Variants in IFT74 observed in about 807,000 individuals in gnomAD.
IFT74 encodes the protein intraflagellar transport 74, also known as intraflagellar transport protein 74 homolog.
In IFT74, 92 loss-of-function variants were observed where a neutral mutation model predicts 96.7. The ratio of observed to expected loss-of-function variants is 0.95; its 90% CI spans 0.80 to 1.13. The LOEUF (loss-of-function observed/expected upper bound fraction) is 1.13, where lower values mean the gene tolerates loss of function less well. Among genes scored for constraint, IFT74 ranks in the 50% most tolerant of loss-of-function variants. IFT74 has a pLI of 0.00. For synonymous variants in IFT74, 223 were observed against 213.2 expected, an observed-to-expected ratio of 1.05 and a Z score of -0.40; for missense variants, 811 against 698.2, an observed-to-expected ratio of 1.16 and a Z score of -1.82.
intron 1 of IFT74, among the ~76,000 whole-genome samples, chr9:26,958,991 A>G (rs541095881): frequency 6.6e-6 from 1 of 152,376 alleles, no homozygotes; most frequent in South Asian, 2.1e-4. Flanking sequence ...CATTTACAGC[A>G]CTGGCAATAT....
chr9:26,947,151 G>A (rs953463753), intron 1 of IFT74: 8 of 1,318,518 alleles, frequency 6.1e-6, no homozygotes, highest in Non-Finnish European at 7.9e-6. Context: ...CTGCAGGTAA[G>A]GGGCGGCCGG....
intron 16 of IFT74, among the ~76,000 whole-genome samples, chr9:27,054,068 A>C (rs544748678): frequency 1.5e-4 from 23 of 152,394 alleles, no homozygotes; most frequent in Middle Eastern, 3.4e-3. Flanking sequence ...GGATAAAAGG[A>C]AACATTCAAG....
intron 18 of IFT74, among the ~76,000 whole-genome samples, chr9:27,059,183 A>G (rs1431128879): frequency 6.6e-6 from 1 of 152,198 alleles, no homozygotes; most frequent in Non-Finnish European, 1.5e-5. Context: ...CACAATTTCG[A>G]ATCCTTCTCT....
At position 26,956,416 on chromosome 9, in the gene IFT74, A is replaced by T. The variant is rs1327709004; in HGVS notation, c.-120A>T. ...GGATACGCCGCGGCGCACGGCAGTT[A>T]GTGGGTAGGCCTGAGAGCCGAGGAA... On this transcript the variant is annotated 5_prime_UTR_variant, in exon 1 of 20. Coordinates refer to ENST00000380062, the MANE Select transcript of IFT74 (RefSeq NM_025103.4). The T allele has an allele frequency of 6.6e-6, 1 of 152,238 alleles. No individual in the cohort carries two copies. 9.4% of individuals were successfully genotyped at this position (152,238 alleles called of 1,614,324 possible).
At chr9:26,996,141 G>A (rs147369795) in intron 8 of IFT74, among the ~76,000 whole-genome samples, 1 of 152,214 alleles carries the variant, frequency 6.6e-6, no homozygotes, top group Admixed American at 6.5e-5. Context: ...ATGGCATTTG[G>A]CTTGTAACTA....
At chr9:27,025,443 C>CAAAAAAAAAAAAAAAAAA (rs57335230) in intron 12 of IFT74, among the ~76,000 whole-genome samples, 8 of 77,710 alleles carry the variant, frequency 1.0e-4, no homozygotes, top group African/African-American at 1.5e-4. Flanking sequence ...ACTCCATCTC[C>CAAAAAAAAAAAAAAAAAA]AAAAAAAAAA....
chr9:26,960,765 A>G (rs1826318303), intron 1 of IFT74, among the ~76,000 whole-genome samples: 1 of 152,146 alleles, frequency 6.6e-6, no homozygotes, highest in Non-Finnish European at 1.5e-5. Context: ...TATTTCAATT[A>G]AGATGTTTGA....
At chr9:27,003,459 G>T (rs1414804376) in intron 8 of IFT74, among the ~76,000 whole-genome samples, 1 of 152,000 alleles carries the variant, frequency 6.6e-6, no homozygotes, top group African/African-American at 2.4e-5. Flanking sequence ...GGAGGCAGAA[G>T]TTGCAGTGAG....
Position 27,048,288 on chromosome 9 carries a change from C to T in IFT74, c.1333+14C>T, listed in dbSNP as rs1264729486. ...ATTTGACTTCAGGTGAGAAAACAAC[C>T]TAGATTTTAATATTCTTTTTTTTTA... On this transcript the variant is annotated intron_variant, in intron 16 of 19. Coordinates refer to ENST00000380062, the MANE Select transcript of IFT74 (RefSeq NM_025103.4). The T allele has an allele frequency of 6.5e-7, 1 of 1,545,266 alleles. No homozygotes were observed. Among genetic ancestry groups the T allele is most frequent in the Admixed American group, 2.0e-5 (1 of 49,228 alleles).
At chr9:27,005,943 A>C (rs1247061768) in intron 8 of IFT74, among the ~76,000 whole-genome samples, 1 of 152,062 alleles carries the variant, frequency 6.6e-6, no homozygotes, top group Non-Finnish European at 1.5e-5. Context: ...GGGTTCAAGC[A>C]GTTCTCCTCC....
chr9:27,061,570 C>T (rs529433049), intron 19 of IFT74, among the ~76,000 whole-genome samples: 2 of 151,776 alleles, frequency 1.3e-5, no homozygotes, highest in African/African-American at 2.4e-5. Context: ...CCACTGCTCT[C>T]GGCCCCAGAA....
intron 2 of IFT74, among the ~76,000 whole-genome samples, chr9:26,977,748 C>T (rs1355028340): frequency 6.6e-6 from 1 of 152,180 alleles, no homozygotes; most frequent in Non-Finnish European, 1.5e-5. Context: ...CTTGGCCTCA[C>T]AAAGTGCTGG....
At chr9:26,958,766 A>G (rs1826227113) in intron 1 of IFT74, among the ~76,000 whole-genome samples, 1 of 152,170 alleles carries the variant, frequency 6.6e-6, no homozygotes, top group Non-Finnish European at 1.5e-5. Context: ...AAAATAAGGA[A>G]GTTGTGTGGA....
At chr9:27,059,388 G>A (rs542258241) in intron 18 of IFT74, among the ~76,000 whole-genome samples, 1 of 152,162 alleles carries the variant, frequency 6.6e-6, no homozygotes, top group Non-Finnish European at 1.5e-5. Flanking sequence ...GAGGTTTAAA[G>A]GAGTCAATAA....
chr9:27,011,506 C>T (rs1224852474), intron 9 of IFT74, among the ~76,000 whole-genome samples: 2 of 151,940 alleles, frequency 1.3e-5, no homozygotes, highest in Admixed American at 6.6e-5. Flanking sequence ...TGTGAAAACA[C>T]GGTTACAAAT....
Position 27,036,384 on chromosome 9 carries a change from C to T in IFT74, c.1054+7280C>T, listed in dbSNP as rs115055073. On this transcript the variant is annotated intron_variant, in intron 13 of 19. Coordinates refer to ENST00000380062, the MANE Select transcript of IFT74 (RefSeq NM_025103.4). ...GTTTAAAACATTAAGCTTATATGTACTCTTTTTACCACAGCAATTTTGTAA... is the reference window on the plus strand; with the variant it reads ...GTTTAAAACATTAAGCTTATATGTATTCTTTTTACCACAGCAATTTTGTAA... 146 of 1,571,486 alleles carry T rather than the reference C, an allele frequency of 9.3e-5. No homozygotes were observed. In the African/African-American group the frequency reaches 1.9e-3, roughly 20 times the overall value.
rs918950682 is a variant in IFT74 at position 27,065,408 on chromosome 9, C to T, written c.*2672C>T. Among the ~76,000 whole-genome samples, 1 of 152,122 alleles carries T rather than the reference C, an allele frequency of 6.6e-6. No homozygotes were observed. The highest frequency in any genetic ancestry group is 1.5e-5 in the Non-Finnish European group (1 of 68,010). ...GGGGGTTCCATTCATGCTAAAATAA[C>T]ACCTTGTAAGTCACATGGAAAGAAG... On this transcript the variant is annotated 3_prime_UTR_variant, in exon 20 of 20. Coordinates refer to ENST00000380062, the MANE Select transcript of IFT74 (RefSeq NM_025103.4).
In IFT74 at chr9:26,997,387, G is replaced by A. The variant is rs571813038; in HGVS notation, c.587+7192G>A. 8.5e-5 allele frequency among the ~76,000 whole-genome samples: 12 copies of A among 141,480 alleles called. No individual in the cohort carries two copies. In the East Asian group the frequency reaches 2.6e-3, roughly 30 times the overall value. 92.8% of individuals were successfully genotyped at this position (141,480 alleles called of 152,430 possible). Reference sequence around the variant, plus strand: ...CTCACTCTGTTGCCCAGGCTGGAGTGCAGTGGCACGATCTCGGCTCACTGT... The same window carrying A: ...CTCACTCTGTTGCCCAGGCTGGAGTACAGTGGCACGATCTCGGCTCACTGT... On this transcript the variant is annotated intron_variant, in intron 8 of 19. Coordinates refer to ENST00000380062, the MANE Select transcript of IFT74 (RefSeq NM_025103.4).
chr9:27,062,700 C>T lies in IFT74; in HGVS notation c.1767C>T (p.Thr589=), dbSNP rs539954518. ...AGCAGATTGCAGAGTACAATAAAACCATCGTGGATGCTTTACATAGCACCA... is the reference window on the plus strand; with the variant it reads ...AGCAGATTGCAGAGTACAATAAAACTATCGTGGATGCTTTACATAGCACCA... ...VTKQIAEYNK[T]IVDALHSTSG... is the part of the protein sequence containing the mutation. The change falls in exon 20 of 20, where the codon ACC becomes ACT. Residue 589 remains threonine (T), a synonymous_variant. Coordinates refer to ENST00000380062, the MANE Select transcript of IFT74 (RefSeq NM_025103.4). 2.5e-6 allele frequency: 4 copies of T among 1,604,294 alleles called. No homozygotes were observed. Among genetic ancestry groups the T allele is most frequent in the Non-Finnish European group, 3.4e-6 (4 of 1,174,578 alleles).
Sources: allele counts gnomAD v4.1 joint callset (sites outside exome capture counted in the v4.1 genomes callset), GRCh38; gene constraint gnomAD v4.1.1; transcripts MANE v1.5; gene names NCBI Gene and HGNC (gene_info 2026-07-23, HGNC 2026-07-21).